CNTN1: variants seen among roughly 807,000 people sequenced by gnomAD.
CNTN1 encodes contactin 1.
CNTN1 carries 38 observed loss-of-function variants against 126.4 expected under a neutral mutation model. The observed-to-expected ratio is 0.30, with a 90% CI of 0.23 to 0.39. The LOEUF is 0.39. Ranked by LOEUF, CNTN1 falls within the 10% of genes least tolerant of loss-of-function variation. The pLI, the probability that CNTN1 is intolerant of heterozygous loss-of-function variation, is 1.00. For synonymous variants in CNTN1, 413 were observed against 422.6 expected, an observed-to-expected ratio of 0.98 and a Z score of 0.28; for missense variants, 1,009 against 1,248.4, an observed-to-expected ratio of 0.81 and a Z score of 2.89.
At chr12:40,992,724 G>A (rs1948123284) in intron 16 of CNTN1, among the ~76,000 whole-genome samples, 1 of 151,968 alleles carries the variant, frequency 6.6e-6, no homozygotes, top group South Asian at 2.1e-4. Context: ...CTATATCAGT[G>A]GCAATACATA....
intron 1 of CNTN1, among the ~76,000 whole-genome samples, chr12:40,717,468 T>A (rs1022148884): frequency 6.6e-5 from 10 of 152,008 alleles, no homozygotes; most frequent in Admixed American, 1.3e-4. Context: ...ACCTAAAAAT[T>A]TTTTTCTTCC....
At position 41,056,289 on chromosome 12, in the gene CNTN1, T is replaced by C. The variant is rs145992413; in HGVS notation, c.2981-13670T>C. 4.9e-3 allele frequency among the ~76,000 whole-genome samples: 745 copies of C among 152,304 alleles called. 1 individual carries two copies. The highest frequency in any genetic ancestry group is 7.6e-3 in the Non-Finnish European group (518 of 68,006). On this transcript the variant is annotated intron_variant, in intron 23 of 23. Transcript: ENST00000551295. ...CTAATTGTTACTATCACCATTTTAC[T>C]GATGAAGTCACTGAAATTCAGAGAG...
chr12:41,056,923 TTAGA>T (rs1949819401), intron 23 of CNTN1, among the ~76,000 whole-genome samples: 1 of 83,388 alleles, frequency 1.2e-5, no homozygotes, highest in Non-Finnish European at 2.6e-5. Context: ...TTTATAATAT[TTAGA>T]TATTTATAAA....
At chr12:40,965,366 G>C (rs1947267488) in intron 15 of CNTN1, among the ~76,000 whole-genome samples, 1 of 152,058 alleles carries the variant, frequency 6.6e-6, no homozygotes. Context: ...TCTCCAGAAA[G>C]TATGGATAAA....
At chr12:40,901,630 A>G (rs1351515091) in intron 1 of CNTN1, among the ~76,000 whole-genome samples, 1 of 152,220 alleles carries the variant, frequency 6.6e-6, no homozygotes, top group Non-Finnish European at 1.5e-5. Context: ...CGGCACACAC[A>G]TTCAAGTGAC....
chr12:40,760,458 A>C (rs1051508592), intron 1 of CNTN1, among the ~76,000 whole-genome samples: 10 of 152,018 alleles, frequency 6.6e-5, no homozygotes, highest in African/African-American at 2.4e-4. Context: ...TATTATTGAC[A>C]GCAGTTAATG....
intron 15 of CNTN1, among the ~76,000 whole-genome samples, chr12:40,963,865 C>T (rs189441747): frequency 2.8e-4 from 43 of 152,160 alleles, no homozygotes; most frequent in Admixed American, 2.8e-3. Flanking sequence ...AGCTCTTCAG[C>T]TAAAAGAGTG....
At chr12:41,002,728 T>A (rs1327186094) in intron 17 of CNTN1, among the ~76,000 whole-genome samples, 1 of 151,942 alleles carries the variant, frequency 6.6e-6, no homozygotes, top group East Asian at 1.9e-4. Context: ...CGGCTAATTC[T>A]TTGTATTTTT....
intron 1 of CNTN1, among the ~76,000 whole-genome samples, chr12:40,892,464 T>G (rs1236587610): frequency 6.6e-6 from 1 of 152,102 alleles, no homozygotes; most frequent in Non-Finnish European, 1.5e-5. Flanking sequence ...ATTAGGTTAC[T>G]GACTCCTATT....
intron 1 of CNTN1, among the ~76,000 whole-genome samples, chr12:40,864,328 C>A (rs1037401924): frequency 7.2e-5 from 11 of 152,006 alleles, no homozygotes; most frequent in African/African-American, 2.7e-4. Flanking sequence ...ACCTATTTTT[C>A]TTTTTCTTTT....
chr12:40,764,452 G>GT (rs1294950209), intron 1 of CNTN1, among the ~76,000 whole-genome samples: 2 of 152,172 alleles, frequency 1.3e-5, no homozygotes, highest in African/African-American at 2.4e-5. Context: ...TTTTCTAATT[G>GT]TTTTTTATTG....
intron 1 of CNTN1, among the ~76,000 whole-genome samples, chr12:40,885,255 C>A (rs77430297): frequency 2.0e-5 from 3 of 151,666 alleles, no homozygotes; most frequent in African/African-American, 7.3e-5. Flanking sequence ...CAAAGAAGAA[C>A]CTATATGAAG....
chr12:40,922,126 A>G, intron 4 of CNTN1, 130 bp from the exon 5 acceptor site: 1 of 759,404 alleles, frequency 1.3e-6, no homozygotes, highest in Non-Finnish European at 2.3e-6. Flanking sequence ...AAGAAATACC[A>G]CCTGAATCAT....
rs755364145 is a variant in CNTN1 at position 40,980,968 on chromosome 12, C to T, written c.1864C>T (p.Leu622Phe). The part of the protein sequence containing the change: ...IEDIRATSVA[L>F]TWSRGSDNHS... ...AGACATTAGAGCCACTTCTGTGGCACTTACTTGGAGCCGTGGTTCAGACAA... is the reference window on the plus strand; with the variant it reads ...AGACATTAGAGCCACTTCTGTGGCATTTACTTGGAGCCGTGGTTCAGACAA... The change falls in exon 16 of 24, where the codon CTT becomes TTT. Residue 622 changes from leucine (L) to phenylalanine (F), a missense_variant. Transcript: ENST00000551295. The T allele has an allele frequency of 6.8e-6, 11 of 1,613,878 alleles. No homozygotes were observed. The highest frequency in any genetic ancestry group is 9.3e-6 in the Non-Finnish European group (11 of 1,179,928).
chr12:41,024,447 C>G (rs1184789964), intron 20 of CNTN1, among the ~76,000 whole-genome samples: 1 of 151,960 alleles, frequency 6.6e-6, no homozygotes. Flanking sequence ...TAATCCATAA[C>G]TTTTCTTAAA....
At chr12:40,824,297 AT>A (rs2136533891) in intron 1 of CNTN1, among the ~76,000 whole-genome samples, 1 of 152,220 alleles carries the variant, frequency 6.6e-6, no homozygotes, top group South Asian at 2.1e-4. Flanking sequence ...TTATCATGTA[AT>A]GTCCTCCCTC....
intron 1 of CNTN1, among the ~76,000 whole-genome samples, chr12:40,707,055 C>CGT (rs1941769432): frequency 6.2e-4 from 9 of 14,456 alleles, no homozygotes; most frequent in East Asian, 0.019. Flanking sequence ...CGCACACACA[C>CGT]ACACACACAC....
intron 16 of CNTN1, among the ~76,000 whole-genome samples, chr12:40,991,980 A>G (rs529399586): frequency 6.6e-6 from 1 of 152,338 alleles, no homozygotes; most frequent in East Asian, 1.9e-4. Context: ...GAATTAAAAC[A>G]AACAGTTTCC....
At chr12:40,985,203 T>C in intron 16 of CNTN1, among the ~76,000 whole-genome samples, 1 of 152,140 alleles carries the variant, frequency 6.6e-6, no homozygotes, top group East Asian at 1.9e-4. Flanking sequence ...TTTTCACTGC[T>C]TTGAATATGT....
Sources: allele counts gnomAD v4.1 joint callset (sites outside exome capture counted in the v4.1 genomes callset), GRCh38; gene constraint gnomAD v4.1.1; transcripts MANE v1.5; gene names NCBI Gene and HGNC (gene_info 2026-07-23, HGNC 2026-07-21).